RHBDD1: variants seen among roughly 807,000 people sequenced by gnomAD.
RHBDD1 encodes rhomboid-related protein 4.
Under a neutral mutation model 36.3 loss-of-function variants are expected in RHBDD1, and 38 were observed. That is an observed-to-expected ratio of 1.05 (90% CI 0.81 to 1.37). RHBDD1 has a LOEUF of 1.37. Among genes scored for constraint, RHBDD1 ranks in the 40% most tolerant of loss-of-function variants. The pLI is 0.00. For missense variants in RHBDD1, 393 were observed against 377.6 expected (o/e 1.04, Z -0.34); for synonymous variants, 151 against 136.5 (o/e 1.11, Z -0.74).
At chr2:226,806,218 T>G in the RHBDD1 span, among the ~76,000 whole-genome samples, 1 of 152,202 alleles carries the variant, frequency 6.6e-6, no homozygotes, top group Admixed American at 6.5e-5. Flanking sequence ...AATTTGAACT[T>G]AAGAAATTTG....
intron 8 of RHBDD1, among the ~76,000 whole-genome samples, chr2:226,986,968 A>G (rs1423147014): frequency 6.6e-6 from 1 of 152,266 alleles, no homozygotes; most frequent in Non-Finnish European, 1.5e-5. Flanking sequence ...AAAATGTGGC[A>G]CATGTACACC....
At chr2:226,862,424 G>T (rs949203098) in intron 3 of RHBDD1, among the ~76,000 whole-genome samples, 7 of 151,160 alleles carry the variant, frequency 4.6e-5, no homozygotes, top group Admixed American at 2.0e-4. Context: ...GAATCCTTAG[G>T]GTATTAGAGT....
In RHBDD1 at chr2:226,914,298, T is replaced by G; in HGVS notation, c.803T>G (p.Leu268Arg). ...PRNYDTYTAG[L>R]SEEEQLERAL... is the part of the protein sequence containing the mutation. ...AACTATGACACGTACACAGCAGGAC[T>G]GAGTGAAGAAGAACAGCTCGAGAGA... Residue 268 changes from leucine to arginine, a missense_variant, in exon 8 of 9, where the codon CTG (leucine) becomes CGG (arginine). Transcript: ENST00000392062. 6.2e-7 allele frequency: 1 copy of G among 1,613,684 alleles called. No individual in the cohort carries two copies. The highest frequency in any genetic ancestry group is 8.5e-7 in the Non-Finnish European group (1 of 1,179,762).
At chr2:226,875,676 G>A (rs1013612847) in intron 5 of RHBDD1, among the ~76,000 whole-genome samples, 2 of 152,210 alleles carry the variant, frequency 1.3e-5, no homozygotes, top group Non-Finnish European at 2.9e-5. Flanking sequence ...TAATAGGGCA[G>A]ATGATGAGAT....
intron 8 of RHBDD1, among the ~76,000 whole-genome samples, chr2:226,934,279 G>T (rs1371454206): frequency 6.6e-6 from 1 of 152,050 alleles, no homozygotes; most frequent in Non-Finnish European, 1.5e-5. Context: ...AGGAGCAATA[G>T]GCTATACCAT....
At chr2:226,866,773 G>A (rs927690692) in intron 4 of RHBDD1, among the ~76,000 whole-genome samples, 4 of 152,098 alleles carry the variant, frequency 2.6e-5, no homozygotes, top group African/African-American at 9.7e-5. Flanking sequence ...CTAATTGTGG[G>A]AGAAGAAAGA....
Position 226,904,997 on chromosome 2 carries a change from A to C in RHBDD1, c.567-1796A>C, listed in dbSNP as rs368801063. ...CTCAACATATCCTTGAGTGCCTCTC[A>C]TGTGCCTGGCCCTGTCCTGGGTGTT... is the stretch of plus-strand genomic sequence containing the variant. On this transcript the variant is annotated intron_variant, in intron 5 of 8. Coordinates refer to ENST00000392062, the MANE Select transcript of RHBDD1 (RefSeq NM_001167608.3). 1.8e-4 allele frequency among the ~76,000 whole-genome samples: 28 copies of C among 152,132 alleles called. No homozygotes were observed. In the East Asian group the frequency reaches 2.1e-3, roughly 12 times the overall value.
intron 8 of RHBDD1, among the ~76,000 whole-genome samples, chr2:226,956,466 C>A (rs1951800275): frequency 6.6e-6 from 1 of 152,198 alleles, no homozygotes; most frequent in Admixed American, 6.5e-5. Flanking sequence ...CTATCATCAC[C>A]AGTCCCCAAG....
intron 8 of RHBDD1, among the ~76,000 whole-genome samples, chr2:226,929,849 A>G (rs756170361): frequency 2.6e-5 from 4 of 152,094 alleles, no homozygotes; most frequent in African/African-American, 4.8e-5. Context: ...ACACACCAAC[A>G]GCCACTAAGC....
intron 1 of RHBDD1, among the ~76,000 whole-genome samples, chr2:226,837,197 A>G (rs1341516709): frequency 6.6e-6 from 1 of 152,250 alleles, no homozygotes; most frequent in Non-Finnish European, 1.5e-5. Context: ...GGGCTGGAAT[A>G]TGAAGATGCA....
chr2:226,988,801 A>T, intron 8 of RHBDD1: 2 of 736,120 alleles, frequency 2.7e-6, no homozygotes, highest in Non-Finnish European at 3.3e-6. Context: ...TTTAGAAAAT[A>T]CTTGAGAGTT....
chr2:226,873,662 G>A (rs545815092), intron 5 of RHBDD1, among the ~76,000 whole-genome samples: 43 of 152,296 alleles, frequency 2.8e-4, no homozygotes, highest in Non-Finnish European at 5.7e-4. Flanking sequence ...TAAGAGATAG[G>A]AGGTTTTGTC....
intron 8 of RHBDD1, among the ~76,000 whole-genome samples, chr2:226,951,385 T>C (rs1172945133): frequency 1.3e-5 from 2 of 152,220 alleles, no homozygotes; most frequent in Non-Finnish European, 2.9e-5. Context: ...TTCAATAGTT[T>C]AGTTAACTCA....
chr2:226,958,702 CTGTG>C (rs10666758), intron 8 of RHBDD1, among the ~76,000 whole-genome samples: 22,089 of 138,758 alleles, frequency 0.16, 1,736 homozygotes, highest in Middle Eastern at 0.22. Context: ...AAGGATTTTT[CTGTG>C]TGTGTGTGTG....
At chr2:226,809,518 C>T in the RHBDD1 span, among the ~76,000 whole-genome samples, 1 of 152,072 alleles carries the variant, frequency 6.6e-6, no homozygotes, top group African/African-American at 2.4e-5. Flanking sequence ...TTGAAAAATT[C>T]CTATGAGGAC....
intron 5 of RHBDD1, among the ~76,000 whole-genome samples, chr2:226,882,430 C>CAAAAAA (rs58149634): frequency 7.0e-4 from 40 of 56,880 alleles, no homozygotes; most frequent in Non-Finnish European, 1.1e-3. Context: ...GACTTTGCCT[C>CAAAAAA]AAAAAAAAAA....
intron 8 of RHBDD1, among the ~76,000 whole-genome samples, chr2:226,926,223 TAAA>T (rs35951338): frequency 2.4e-5 from 3 of 126,724 alleles, no homozygotes; most frequent in African/African-American, 2.9e-5. Flanking sequence ...ACTAAGTAAA[TAAA>T]AAAAAAAAAA....
At chr2:226,931,032 C>A (rs1012674776) in intron 8 of RHBDD1, among the ~76,000 whole-genome samples, 2 of 152,020 alleles carry the variant, frequency 1.3e-5, no homozygotes, top group Non-Finnish European at 2.9e-5. Flanking sequence ...TGCTTATACA[C>A]TGATGGTAGG....
intron 8 of RHBDD1, among the ~76,000 whole-genome samples, chr2:226,961,408 A>G (rs1365241833): frequency 6.6e-6 from 1 of 152,178 alleles, no homozygotes; most frequent in Non-Finnish European, 1.5e-5. Flanking sequence ...TCACTTATAG[A>G]AATCGTTCTT....
Sources: gnomAD v4.1 joint callset for allele counts (sites outside exome capture counted in the v4.1 genomes callset) on GRCh38, gnomAD v4.1.1 for gene constraint, MANE v1.5 for transcripts, NCBI Gene and HGNC (gene_info 2026-07-23, HGNC 2026-07-21) for gene names.